Variants in GALNT15 observed in about 807,000 individuals in gnomAD.
GALNT15 encodes the protein UDP-GalNAc transferase T15.
A neutral mutation model predicts 66.8 loss-of-function variants in GALNT15; 67 were observed. The observed-to-expected ratio is 1.00, with a 90% CI of 0.82 to 1.23. GALNT15 has a LOEUF of 1.23. GALNT15 is among the 50% of genes most tolerant of loss of function. The pLI is 0.00. For synonymous variants in GALNT15, 313 were observed against 311.5 expected, an observed-to-expected ratio of 1.00 and a Z score of -0.05; for missense variants, 827 against 804.3, an observed-to-expected ratio of 1.03 and a Z score of -0.34.
rs1233753751 is a variant in GALNT15 at position 16,184,027 on chromosome 3, C to A, written c.539+8337C>A. Among the ~76,000 whole-genome samples the A allele has an allele frequency of 3.3e-5, 5 of 152,156 alleles. No individual in the cohort carries two copies. Among genetic ancestry groups the A allele is most frequent in the Admixed American group, 3.3e-4 (5 of 15,284 alleles). ...TTAGGCTAAGATTATCCCTTTCAAT[C>A]CAGGACACACCCCTGGGCTGGAGAA... On this transcript the variant is annotated intron_variant, in intron 1 of 9. Transcript: ENST00000339732. The surrounding 1 kb of genome is among the most constrained non-coding windows in gnomAD (Gnocchi z 5.0).
rs372848556 is a variant in GALNT15, at chr3:16,222,712, C to T, written c.1727C>T (p.Thr576Met). ...RQEQVILQNC[T>M]EEGLAIHQQH... ...GAGCAGGTGATTCTTCAGAACTGCA[C>T]GGAGGAAGGCCTGGCCATCCACCAG... The change falls in exon 9 of 10, where the codon ACG (threonine) becomes ATG (methionine). Residue 576 changes from threonine (T) to methionine (M), a missense_variant. Transcript: ENST00000339732. 5.3e-5 allele frequency: 86 copies of T among 1,614,090 alleles called. No homozygotes were observed. In the Middle Eastern group the frequency reaches 8.2e-4, roughly 15 times the overall value.
In GALNT15 at chr3:16,227,694, T is replaced by TA. The variant is rs4035393; in HGVS notation, c.*209dup. ...TTATTTCATTGACTGCTGGCTGCTTTAAAAAAAAAAAAAAAGGATCCATTG... is the reference window on the plus strand; with the variant it reads ...TTATTTCATTGACTGCTGGCTGCTTTAAAAAAAAAAAAAAAAGGATCCATTG... On this transcript the variant is annotated 3_prime_UTR_variant, in exon 10 of 10. Transcript: ENST00000339732. The surrounding 1 kb of genome is among the most constrained non-coding windows in gnomAD (Gnocchi z 4.5). The TA allele has an allele frequency of 2.6e-3, 3,287 of 1,279,576 alleles. No homozygotes were observed. The highest frequency in any genetic ancestry group is 4.8e-3 in the Middle Eastern group (16 of 3,324). The allele number at this position is 1,279,576 out of a possible 1,614,324, so 79.3% of individuals were successfully genotyped here.
In GALNT15 at chr3:16,222,142, G is replaced by A. The variant is rs1265829793; in HGVS notation, c.1630-473G>A. Among the ~76,000 whole-genome samples the A allele has an allele frequency of 2.0e-5, 3 of 152,168 alleles. No homozygotes were observed. The South Asian group carries it at 6.2e-4, about 31-fold the overall frequency. ...CCTCACAGTTAAAGCCCCTCTCAAA[G>A]GTGTGCACAATCCAACACTACAAAA... is the stretch of plus-strand genomic sequence containing the variant. On this transcript the variant is annotated intron_variant, in intron 8 of 9. Transcript: ENST00000339732.
intron 6 of GALNT15, among the ~76,000 whole-genome samples, chr3:16,215,774 G>T (rs2063864822): frequency 6.6e-6 from 1 of 151,972 alleles, no homozygotes; most frequent in Non-Finnish European, 1.5e-5. Context: ...GTTGGGCATG[G>T]TGACACGTGC....
intron 2 of GALNT15, among the ~76,000 whole-genome samples, chr3:16,197,252 G>T (rs989961199): frequency 1.4e-4 from 22 of 152,108 alleles, no homozygotes; most frequent in African/African-American, 5.3e-4. Flanking sequence ...CCCAGAGCTG[G>T]CAGCCCCACC....
Position 16,211,099 on chromosome 3 carries a change from T to A in GALNT15, c.1080-25T>A, listed in dbSNP as rs766195271. 49 of 1,552,694 alleles carry A rather than the reference T, an allele frequency of 3.2e-5. No homozygotes were observed. Among genetic ancestry groups the A allele is most frequent in the Non-Finnish European group, 4.2e-5 (47 of 1,124,800 alleles). ...CTGTGCTCTGGGTTCTGAACTGCAG[T>A]GTCCTGCCTGTCTTCTGTGTCCAGG... is the stretch of plus-strand genomic sequence containing the variant. On this transcript the variant is annotated intron_variant, in intron 4 of 9. Coordinates refer to ENST00000339732, the MANE Select transcript of GALNT15 (RefSeq NM_054110.5). The surrounding 1 kb of genome is among the most constrained non-coding windows in gnomAD (Gnocchi z 4.3).
At chr3:16,194,049 G>A (rs1167141586) in intron 1 of GALNT15, among the ~76,000 whole-genome samples, 1 of 152,164 alleles carries the variant, frequency 6.6e-6, no homozygotes, top group Non-Finnish European at 1.5e-5. Flanking sequence ...CTGCTATCCA[G>A]CCATAAGCCA....
chr3:16,247,724 A>G, the GALNT15 span, among the ~76,000 whole-genome samples: 1 of 152,240 alleles, frequency 6.6e-6, no homozygotes, highest in Non-Finnish European at 1.5e-5. Flanking sequence ...GTCTTCCTGT[A>G]CTGGGAACAT....
chr3:16,205,143 G>A (rs1160353167), intron 3 of GALNT15, among the ~76,000 whole-genome samples: 1 of 152,162 alleles, frequency 6.6e-6, no homozygotes, highest in Non-Finnish European at 1.5e-5. Context: ...CCAGTCCTGC[G>A]GTCACAACTG....
rs141629207 is a variant in GALNT15 at position 16,176,340 on chromosome 3, C to A, written c.539+650C>A. Among the ~76,000 whole-genome samples, 2 of 152,348 alleles carry A rather than the reference C, an allele frequency of 1.3e-5. No homozygotes were observed. The highest frequency in any genetic ancestry group is 1.3e-4 in the Admixed American group (2 of 15,306). ...TAGGTATGAAAACAAGGTGAAGTTG[C>A]TTTCCCAGTCACGCTGCTAGTAGGT... On this transcript the variant is annotated intron_variant, in intron 1 of 9. Transcript: ENST00000339732. The surrounding 1 kb of genome is among the most constrained non-coding windows in gnomAD (Gnocchi z 5.6).
At chr3:16,247,878 C>T in the GALNT15 span, among the ~76,000 whole-genome samples, 4 of 152,186 alleles carry the variant, frequency 2.6e-5, no homozygotes, top group Non-Finnish European at 1.5e-5. Flanking sequence ...GGTGGCGACA[C>T]GTCACCCAGC....
chr3:16,233,092 A>ATGTTTTTT (rs771943641), downstream of GALNT15, among the ~76,000 whole-genome samples: 304 of 48,016 alleles, frequency 6.3e-3, 16 homozygotes, highest in Non-Finnish European at 7.5e-3. Flanking sequence ...AGGATAATGC[A>ATGTTTTTT]TCTTTTTTTT....
At chr3:16,235,145 G>A (rs373756947), downstream of GALNT15, among the ~76,000 whole-genome samples, 2 of 152,176 alleles carry the variant, frequency 1.3e-5, no homozygotes, top group East Asian at 3.9e-4. Flanking sequence ...GGATGGTCTC[G>A]ATCTCCTGAC....
intron 6 of GALNT15, among the ~76,000 whole-genome samples, chr3:16,215,906 C>CAAAAAAAAAAAACAAAAAAAAAAAAAA (rs1559690416): frequency 9.7e-6 from 1 of 102,634 alleles, no homozygotes; most frequent in African/African-American, 3.6e-5. Flanking sequence ...GAGACTCCGC[C>CAAAAAAAAAAAACAAAAAAAAAAAAAA]AAAAAAAAAA....
In GALNT15 at chr3:16,217,911, A is replaced by G. The variant is rs978552306; in HGVS notation, c.1393-1492A>G. The stretch of plus-strand genomic sequence containing the variant: ...TTATACTAATTTACTTAGAGGAAAA[A>G]GTAATAGATCCCCTTGGTTTCATGG... On this transcript the variant is annotated intron_variant, in intron 6 of 9. Coordinates refer to ENST00000339732, the MANE Select transcript of GALNT15 (RefSeq NM_054110.5). Among the ~76,000 whole-genome samples the G allele has an allele frequency of 1.3e-4, 20 of 152,350 alleles. No homozygotes were observed. The East Asian group carries it at 3.9e-3, about 29-fold the overall frequency.
In GALNT15 at chr3:16,180,141, C is replaced by T. The variant is rs1295377187; in HGVS notation, c.539+4451C>T. 6.6e-6 allele frequency among the ~76,000 whole-genome samples: 1 copy of T among 152,208 alleles called. No homozygotes were observed. The highest frequency in any genetic ancestry group is 1.5e-5 in the Non-Finnish European group (1 of 68,042). On this transcript the variant is annotated intron_variant, in intron 1 of 9. Transcript: ENST00000339732. This position sits in a 1 kb window ranked among gnomAD's most constrained non-coding sequence, Gnocchi z 5.0. The stretch of plus-strand genomic sequence containing the variant: ...ATACAGATTCCTGGCCTCCATTCCT[C>T]CAGTTTCTGATTCAGTGGGTGTGAA...
chr3:16,179,777 T>C (rs1422294481), intron 1 of GALNT15, among the ~76,000 whole-genome samples: 3 of 151,864 alleles, frequency 2.0e-5, no homozygotes, highest in Middle Eastern at 3.2e-3. Flanking sequence ...AAAGGGAGGG[T>C]CCTCGGGGCA....
At position 16,186,430 on chromosome 3, in the gene GALNT15, G is replaced by C. The variant is rs1451352756; in HGVS notation, c.540-9330G>C. Among the ~76,000 whole-genome samples the C allele has an allele frequency of 6.6e-6, 1 of 152,152 alleles. No individual in the cohort carries two copies. Among genetic ancestry groups the C allele is most frequent in the Non-Finnish European group, 1.5e-5 (1 of 68,038 alleles). On this transcript the variant is annotated intron_variant, in intron 1 of 9. Coordinates refer to ENST00000339732, the MANE Select transcript of GALNT15 (RefSeq NM_054110.5). The surrounding 1 kb of genome is among the most constrained non-coding windows in gnomAD (Gnocchi z 5.1). ...AGCTATCATATGGCCAGTAATACCAGTCCTAGGTATATACTCAAGAAAATT... is the reference window on the plus strand; with the variant it reads ...AGCTATCATATGGCCAGTAATACCACTCCTAGGTATATACTCAAGAAAATT...
rs1348322749 is a variant in GALNT15 at position 16,182,622 on chromosome 3, G to A, written c.539+6932G>A. The A allele has an allele frequency of 2.6e-5, 4 of 152,234 alleles. No homozygotes were observed. Among genetic ancestry groups the A allele is most frequent in the African/African-American group, 9.6e-5 (4 of 41,456 alleles). The allele number at this position is 152,234 out of a possible 1,614,324, so 9.4% of individuals were successfully genotyped here. ...ACATCCTGCAGCAGTAGGGGCCCTAGAACCTGGCCAAGTATTCTGTACATC... is the reference window on the plus strand; with the variant it reads ...ACATCCTGCAGCAGTAGGGGCCCTAAAACCTGGCCAAGTATTCTGTACATC... On this transcript the variant is annotated intron_variant, in intron 1 of 9. Transcript: ENST00000339732. This position sits in a 1 kb window ranked among gnomAD's most constrained non-coding sequence, Gnocchi z 6.1.
Sources: gnomAD v4.1 joint callset for allele counts (sites outside exome capture counted in the v4.1 genomes callset) on GRCh38, gnomAD v4.1.1 for gene constraint, Gnocchi (gnomAD v3.1) non-coding constraint, MANE v1.5 for transcripts, NCBI Gene and HGNC (gene_info 2026-07-23, HGNC 2026-07-21) for gene names.